Variants in LPAR4 observed in about 807,000 individuals in gnomAD.
The protein encoded by LPAR4 is G-protein coupled receptor 23.
A neutral mutation model predicts 9.2 loss-of-function variants in LPAR4; 14 were observed. That is an observed-to-expected ratio of 1.51 (90% CI 1.00 to 2.37). The LOEUF (loss-of-function observed/expected upper bound fraction) is 2.37, where lower values mean the gene tolerates loss of function less well. Among genes scored for constraint, LPAR4 ranks in the 30% most tolerant of loss-of-function variants. LPAR4 has a pLI of 0.00. For synonymous variants in LPAR4, 131 were observed against 97.9 expected, an observed-to-expected ratio of 1.34 and a Z score of -1.99; for missense variants, 251 against 272.1, an observed-to-expected ratio of 0.92 and a Z score of 0.55.
chrX:78,749,385 C>G (rs866217944), intron 1 of LPAR4, among the ~76,000 whole-genome samples: 4 of 111,825 alleles, frequency 3.6e-5, no homozygotes, highest in Non-Finnish European at 7.5e-5. Flanking sequence ...AAAAGGTTAC[C>G]TACCACTGGG....
Position 78,755,849 on chromosome X carries a change from A to G in LPAR4, c.980A>G (p.His327Arg). ...CAGAAGTCCTTCTACATCAATGCCCACATCAGAATGGAGTCCCTGTTTAAG... is the reference window on the plus strand; with the variant it reads ...CAGAAGTCCTTCTACATCAATGCCCGCATCAGAATGGAGTCCCTGTTTAAG... ...SFQKSFYINA[H>R]IRMESLFKTE... Residue 327 changes from histidine to arginine, a missense_variant, in exon 5 of 5, where the codon CAC becomes CGC. His to Arg is a conservative substitution (Grantham distance 29, BLOSUM62 0). Transcript: ENST00000614823. 2.5e-6 allele frequency: 3 copies of G among 1,210,755 alleles called. No homozygotes were observed. Among genetic ancestry groups the G allele is most frequent in the Non-Finnish European group, 3.4e-6 (3 of 894,690 alleles).
In LPAR4 at chrX:78,755,052, G is replaced by C; in HGVS notation, c.183G>C (p.Leu61=). ...ILGLITNSVS[L]FVFCFRMKMR... is the part of the protein sequence containing the mutation. Reference sequence around the variant, plus strand: ...GTCTGATAACCAACAGTGTCTCTCTGTTTGTCTTCTGTTTCCGCATGAAAA... The same window carrying C: ...GTCTGATAACCAACAGTGTCTCTCTCTTTGTCTTCTGTTTCCGCATGAAAA... The change falls in exon 5 of 5, where the codon CTG becomes CTC. Residue 61 remains leucine, a synonymous_variant. Transcript: ENST00000614823. 1 of 1,208,847 alleles carries C rather than the reference G, an allele frequency of 8.3e-7. No homozygotes were observed. Among genetic ancestry groups the C allele is most frequent in the African/African-American group, 1.7e-5 (1 of 57,746 alleles).
chrX:78,754,795 A>G lies in LPAR4; in HGVS notation c.-75A>G, dbSNP rs1466990980. ...GTTCCATCTTGTCTCTCATAGGAGG[A>G]AAATATTTCCTACCGGTCCATAGTG... On this transcript the variant is annotated 5_prime_UTR_variant, in exon 5 of 5. Transcript: ENST00000614823. 1.1e-6 allele frequency: 1 copy of G among 917,532 alleles called. No individual in the cohort carries two copies. The highest frequency in any genetic ancestry group is 1.5e-6 in the Non-Finnish European group (1 of 671,882). The allele number at this position is 917,532 out of a possible 1,213,427, so 75.6% of individuals were successfully genotyped here.
chrX:78,748,864 G>T (rs748086466), intron 1 of LPAR4: 3 of 111,564 alleles, frequency 2.7e-5, no homozygotes, highest in Non-Finnish European at 5.6e-5. Flanking sequence ...CTGAGATCCA[G>T]ATTACCCAAT....
rs367861519 is a variant in LPAR4, at chrX:78,755,900, C to T, written c.1031C>T (p.Pro344Leu). 14 of 1,205,746 alleles carry T rather than the reference C, an allele frequency of 1.2e-5. No homozygotes were observed. In the African/African-American group the frequency reaches 2.5e-4, roughly 21 times the overall value. ...FKTETPLTTK[P>L]SLPAIQEEVS... ...ACTGAAACACCTTTGACCACAAAGC[C>T]TTCCCTTCCAGCTATTCAAGAGGAA... The change falls in exon 5 of 5, where the codon CCT becomes CTT. Residue 344 changes from proline to leucine, a missense_variant. Transcript: ENST00000614823.
chrX:78,752,145 G>A (rs1181989326), intron 4 of LPAR4, among the ~76,000 whole-genome samples: 2 of 111,517 alleles, frequency 1.8e-5, no homozygotes, highest in Non-Finnish European at 3.8e-5. Context: ...CAGATTAGGT[G>A]TAGATAAGCC....
In LPAR4 at chrX:78,756,030, T is replaced by C. The variant is rs747374349; in HGVS notation, c.*48T>C. ...CAGATATGGTTTCTCCTATAATTTT[T>C]CCTATGCTATAAACTAAAGATTTGA... On this transcript the variant is annotated 3_prime_UTR_variant, in exon 5 of 5. Transcript: ENST00000614823. 2.1e-5 allele frequency: 21 copies of C among 1,017,370 alleles called. No individual in the cohort carries two copies. The South Asian group carries it at 4.5e-4, about 22-fold the overall frequency. 83.8% of individuals were successfully genotyped at this position (1,017,370 alleles called of 1,213,427 possible).
chrX:78,752,964 G>A (rs1208938775), intron 4 of LPAR4, among the ~76,000 whole-genome samples: 1 of 111,361 alleles, frequency 9.0e-6, no homozygotes, highest in East Asian at 2.8e-4. Context: ...AACAATTGTG[G>A]CCACTCTGAA....
chrX:78,754,675 C>T (rs1388039056), intron 4 of LPAR4, 116 bp from the exon 5 acceptor site: 7 of 394,605 alleles, frequency 1.8e-5, no homozygotes, highest in Non-Finnish European at 2.2e-5. Flanking sequence ...AAATACTTGT[C>T]AAACCAAATG....
Position 78,747,943 on chromosome X carries a change from C to T in LPAR4, c.-386C>T, listed in dbSNP as rs1301765644. 5 of 98,083 alleles carry T rather than the reference C, an allele frequency of 5.1e-5. No individual in the cohort carries two copies. The highest frequency in any genetic ancestry group is 2.0e-5 in the Non-Finnish European group (1 of 49,315). The allele number at this position is 98,083 out of a possible 1,213,427, so 8.1% of individuals were successfully genotyped here. On this transcript the variant is annotated 5_prime_UTR_variant, in exon 1 of 5. Coordinates refer to ENST00000614823, the MANE Select transcript of LPAR4 (RefSeq NM_001278000.3). ...AAAAAAAAATGGATAAAAATATGCACTTCCAAAGGGCGAGTTGCCCATTTA... is the reference window on the plus strand; with the variant it reads ...AAAAAAAAATGGATAAAAATATGCATTTCCAAAGGGCGAGTTGCCCATTTA...
rs146663813 is a variant in LPAR4 at position 78,749,494 on chromosome X, C to T, written c.-294-680C>T. ...TACATGGTTATGTCCTGAAATATGC[C>T]GATAACCTCATATTCTGAGGGGTGA... On this transcript the variant is annotated intron_variant, in intron 1 of 4. Coordinates refer to ENST00000614823, the MANE Select transcript of LPAR4 (RefSeq NM_001278000.3). Among the ~76,000 whole-genome samples, 131 of 110,913 alleles carry T rather than the reference C, an allele frequency of 1.2e-3. 1 individual carries two copies. In the East Asian group the frequency reaches 0.016, roughly 13 times the overall value.
chrX:78,751,532 AC>A (rs1244355254), intron 4 of LPAR4, among the ~76,000 whole-genome samples: 3 of 110,449 alleles, frequency 2.7e-5, no homozygotes, highest in African/African-American at 9.9e-5. Context: ...CTTTAGCTCA[AC>A]CCCTCTCTGC....
chrX:78,752,011 A>G (rs1925084328), intron 4 of LPAR4, among the ~76,000 whole-genome samples: 1 of 110,558 alleles, frequency 9.0e-6, no homozygotes, highest in African/African-American at 3.3e-5. Flanking sequence ...TTTGATGAAA[A>G]GAAAAAAAAA....
At chrX:78,754,022 C>A (rs1925182624) in intron 4 of LPAR4, among the ~76,000 whole-genome samples, 1 of 111,550 alleles carries the variant, frequency 9.0e-6, no homozygotes, top group African/African-American at 3.3e-5. Flanking sequence ...CAGGCATTTG[C>A]AGGCTGCTTG....
chrX:78,751,043 A>T (rs1246887907), intron 3 of LPAR4, among the ~76,000 whole-genome samples, 167 bp from the exon 4 acceptor site: 2 of 111,945 alleles, frequency 1.8e-5, no homozygotes, highest in Non-Finnish European at 3.8e-5. Flanking sequence ...AATGCATGTA[A>T]ATACCATTTT....
chrX:78,752,728 C>T (rs1197132644), intron 4 of LPAR4, among the ~76,000 whole-genome samples: 1 of 111,325 alleles, frequency 9.0e-6, no homozygotes, highest in Non-Finnish European at 1.9e-5. Context: ...CTGTAGGGAG[C>T]AAAAGCAAGT....
chrX:78,750,450 T>C (rs958668119), intron 2 of LPAR4, among the ~76,000 whole-genome samples: 19 of 111,783 alleles, frequency 1.7e-4, no homozygotes, highest in Non-Finnish European at 3.2e-4. Flanking sequence ...TAAATGCGGT[T>C]GCTACTCCTA....
chrX:78,748,668 C>T (rs1165934868), intron 1 of LPAR4, among the ~76,000 whole-genome samples: 1 of 111,671 alleles, frequency 9.0e-6, no homozygotes, highest in Non-Finnish European at 1.9e-5. Flanking sequence ...TTGCTAAATA[C>T]AGTATTTCAG....
chrX:78,756,331 A>G lies in LPAR4; in HGVS notation c.*349A>G, dbSNP rs939473014. 2.0e-5 allele frequency: 3 copies of G among 151,640 alleles called. No homozygotes were observed. Among genetic ancestry groups the G allele is most frequent in the Admixed American group, 8.2e-5 (1 of 12,133 alleles). The allele number at this position is 151,640 out of a possible 1,213,427, so 12.5% of individuals were successfully genotyped here. The stretch of plus-strand genomic sequence containing the variant: ...TTTGGTAATTAGGTTGGGCCTATAA[A>G]TATAGAACAAATTCAGGGATTTTTA... On this transcript the variant is annotated 3_prime_UTR_variant, in exon 5 of 5. Transcript: ENST00000614823.
Sources: gnomAD v4.1 joint callset for allele counts (sites outside exome capture counted in the v4.1 genomes callset) on GRCh38, gnomAD v4.1.1 for gene constraint, MANE v1.5 for transcripts, NCBI Gene and HGNC (gene_info 2026-07-23, HGNC 2026-07-21) for gene names.